Variants in HIVEP1 observed in about 807,000 individuals in gnomAD.
HIVEP1 encodes zinc finger protein 40.
A neutral mutation model predicts 180.0 loss-of-function variants in HIVEP1; 36 were observed. The observed-to-expected ratio is 0.20, with a 90% CI of 0.15 to 0.26. The LOEUF (loss-of-function observed/expected upper bound fraction) is 0.26, where lower values mean the gene tolerates loss of function less well. HIVEP1 is among the 10% of genes least tolerant of loss of function. HIVEP1 has a pLI of 1.00. For missense variants in HIVEP1, 3,143 were observed against 3,268.7 expected, an observed-to-expected ratio of 0.96 and a Z score of 0.94; for synonymous variants, 1,239 against 1,239.0, an observed-to-expected ratio of 1.00 and a Z score of 0.00.
chr6:12,151,964 T>C (rs1357496134), intron 7 of HIVEP1, among the ~76,000 whole-genome samples: 1 of 152,172 alleles, frequency 6.6e-6, no homozygotes, highest in Non-Finnish European at 1.5e-5. Context: ...GAGACCAGCC[T>C]GGACAACATG....
At chr6:12,057,424 A>G (rs1433258279) in intron 2 of HIVEP1, among the ~76,000 whole-genome samples, 3 of 152,198 alleles carry the variant, frequency 2.0e-5, no homozygotes, top group Non-Finnish European at 4.4e-5. Context: ...GAAAAAATGC[A>G]TATTTTCCTC....
rs150669166 is a variant in HIVEP1 at position 12,081,954 on chromosome 6, A to G, written c.41-7230A>G. Among the ~76,000 whole-genome samples the G allele has an allele frequency of 4.2e-3, 639 of 152,268 alleles. 3 individuals carry two copies. The highest frequency in any genetic ancestry group is 0.014 in the African/African-American group (594 of 41,554). ...CCTCTTAATCACTGCATTCATAGGA[A>G]GCTTTTTCAGTCCTTACCTTTTGCA... On this transcript the variant is annotated intron_variant, in intron 2 of 8. Transcript: ENST00000379388.
At chr6:12,048,592 ACACT>A (rs1228538933) in intron 2 of HIVEP1, among the ~76,000 whole-genome samples, 4 of 152,204 alleles carry the variant, frequency 2.6e-5, no homozygotes, top group African/African-American at 9.7e-5. Context: ...GTACCTGGAT[ACACT>A]CTCTAATTGA....
the HIVEP1 span, among the ~76,000 whole-genome samples, chr6:12,211,886 A>G: frequency 2.6e-5 from 4 of 152,184 alleles, no homozygotes; most frequent in Admixed American, 2.0e-4. Context: ...TCCACATGGT[A>G]TGGAGAAATA....
chr6:12,009,527 A>T (rs1767174032), upstream of HIVEP1, among the ~76,000 whole-genome samples: 2 of 152,190 alleles, frequency 1.3e-5, no homozygotes, highest in Non-Finnish European at 2.9e-5. Flanking sequence ...GATTTTTGAC[A>T]GTTGAAACTG....
At chr6:12,072,099 A>G (rs931428061) in intron 2 of HIVEP1, among the ~76,000 whole-genome samples, 1 of 125,872 alleles carries the variant, frequency 7.9e-6, no homozygotes, top group Non-Finnish European at 1.8e-5. Flanking sequence ...TTTTTTTTTT[A>G]TTAAATAAAT....
intron 4 of HIVEP1, among the ~76,000 whole-genome samples, chr6:12,126,378 C>T (rs1281967448): frequency 1.3e-5 from 2 of 152,188 alleles, no homozygotes; most frequent in African/African-American, 4.8e-5. Flanking sequence ...AGCTGTCTTC[C>T]AGTGTAGCTG....
rs1482205330 is a variant in HIVEP1 at position 12,129,850 on chromosome 6, T to C, written c.6167T>C (p.Leu2056Ser). 3 of 1,577,890 alleles carry C rather than the reference T, an allele frequency of 1.9e-6. No individual in the cohort carries two copies. The highest frequency in any genetic ancestry group is 2.7e-5 in the African/African-American group (2 of 73,988). The change falls in exon 5 of 9, where the codon TTA becomes TCA. Residue 2056 changes from leucine to serine, a missense_variant. Leu to Ser is a moderately radical substitution (Grantham distance 145, BLOSUM62 -2). Transcript: ENST00000379388. ...INSEQDKENSLIKSEPRRIKI... is the reference protein window; with the variant it reads ...INSEQDKENSSIKSEPRRIKI... ...AGTGAGCAAGATAAAGAAAATTCCT[T>C]AATCAAAAGTGAACCAAGAAGAATT... is the stretch of plus-strand genomic sequence containing the variant.
chr6:12,148,356 G>A (rs1300624240), intron 7 of HIVEP1, among the ~76,000 whole-genome samples: 1 of 152,180 alleles, frequency 6.6e-6, no homozygotes, highest in Non-Finnish European at 1.5e-5. Flanking sequence ...TGGGGAGCAG[G>A]CTCTTGGCAG....
the HIVEP1 span, among the ~76,000 whole-genome samples, chr6:12,203,319 G>A: frequency 7.2e-5 from 11 of 152,310 alleles, no homozygotes; most frequent in African/African-American, 1.2e-4. Context: ...TGCTGGGGTC[G>A]GGTAGACGAA....
chr6:12,207,230 G>A, the HIVEP1 span, among the ~76,000 whole-genome samples: 1 of 152,104 alleles, frequency 6.6e-6, no homozygotes, highest in Non-Finnish European at 1.5e-5. Context: ...CTTAATTCCT[G>A]CAAATGATTT....
intron 2 of HIVEP1, among the ~76,000 whole-genome samples, chr6:12,033,322 ATGTGTG>A (rs58465582): frequency 6.0e-5 from 9 of 148,772 alleles, no homozygotes; most frequent in African/African-American, 9.9e-5. Context: ...GTAGAGGAGC[ATGTGTG>A]TGTGTGTGTG....
chr6:12,091,348 A>T (rs988805446), intron 3 of HIVEP1, among the ~76,000 whole-genome samples: 5 of 152,022 alleles, frequency 3.3e-5, no homozygotes, highest in Non-Finnish European at 7.4e-5. Flanking sequence ...ATTGCTTTTT[A>T]AAAAAATTAT....
intron 1 of HIVEP1, among the ~76,000 whole-genome samples, chr6:12,013,378 A>G (rs901963747): frequency 9.2e-5 from 14 of 152,220 alleles, no homozygotes; most frequent in South Asian, 4.1e-4. Context: ...CTTTCCCGTA[A>G]AGGAACGGTT....
rs1423319838 is a variant in HIVEP1 at position 12,161,942 on chromosome 6, C to T, written c.6978+13C>T. The stretch of plus-strand genomic sequence containing the variant: ...TGCTATAACACAGGTAAATGATTGG[C>T]AGTTGTTCTTTTATTTCTTTTTTCG... On this transcript the variant is annotated intron_variant, in intron 8 of 8. Transcript: ENST00000379388. The T allele has an allele frequency of 6.3e-7, 1 of 1,577,648 alleles. No individual in the cohort carries two copies. Among genetic ancestry groups the T allele is most frequent in the Non-Finnish European group, 8.6e-7 (1 of 1,160,626 alleles).
Position 12,037,146 on chromosome 6 carries a change from G to A in HIVEP1, c.40+21478G>A, listed in dbSNP as rs188160905. On this transcript the variant is annotated intron_variant, in intron 2 of 8. Coordinates refer to ENST00000379388, the MANE Select transcript of HIVEP1 (RefSeq NM_002114.4). ...AGCAGTGATGGAGGGGACGGAGTGG[G>A]TGTTGAGGCCCGGGTCTTGGAGTGG... is the stretch of plus-strand genomic sequence containing the variant. Among the ~76,000 whole-genome samples the A allele has an allele frequency of 2.6e-4, 40 of 152,304 alleles. No individual in the cohort carries two copies. In the East Asian group the frequency reaches 6.0e-3, roughly 23 times the overall value.
Position 12,122,683 on chromosome 6 carries a change from C to T in HIVEP1, c.2888C>T (p.Thr963Ile). 6.2e-7 allele frequency: 1 copy of T among 1,614,142 alleles called. No homozygotes were observed. Among genetic ancestry groups the T allele is most frequent in the Non-Finnish European group, 8.5e-7 (1 of 1,180,022 alleles). ...QGRGTMFECE[T>I]CRNRYRKLEN... is the part of the protein sequence containing the mutation. The stretch of plus-strand genomic sequence containing the variant: ...CGAGGGACAATGTTTGAGTGTGAAA[C>T]TTGTAGAAACAGGTATAGGAAACTG... The change falls in exon 4 of 9, where the codon ACT becomes ATT. Residue 963 changes from threonine to isoleucine, a missense_variant. Physicochemically the swap from Thr to Ile is moderately conservative, Grantham distance 89. Transcript: ENST00000379388.
At chr6:12,119,223 G>T (rs926681041) in intron 3 of HIVEP1, among the ~76,000 whole-genome samples, 1 of 152,218 alleles carries the variant, frequency 6.6e-6, no homozygotes, top group Non-Finnish European at 1.5e-5. Flanking sequence ...TTTGGGGTTG[G>T]TTAATGATTG....
the HIVEP1 span, among the ~76,000 whole-genome samples, chr6:12,170,080 C>T: frequency 9.9e-5 from 15 of 151,820 alleles, no homozygotes; most frequent in Middle Eastern, 3.4e-3. Context: ...GAGATCATGC[C>T]GCTGCACTCC....
Sources: gnomAD v4.1 joint callset for allele counts (sites outside exome capture counted in the v4.1 genomes callset) on GRCh38, gnomAD v4.1.1 for gene constraint, MANE v1.5 for transcripts, NCBI Gene and HGNC (gene_info 2026-07-23, HGNC 2026-07-21) for gene names.